The following CR1 variants were observed in gnomAD, a reference collection of about 807,000 sequenced individuals.
The protein encoded by CR1 is complement receptor type 1.
Under a neutral mutation model 187.3 loss-of-function variants are expected in CR1, and 116 were observed. That is an observed-to-expected ratio of 0.62 (90% CI 0.53 to 0.72). CR1 has a LOEUF of 0.72. CR1 is among the 30% of genes least tolerant of loss of function. The probability of loss-of-function intolerance (pLI) is 0.00; values close to 1 mark genes in which losing one functional copy is unlikely to be tolerated. For missense variants in CR1, 1,731 were observed against 2,110.7 expected (o/e 0.82, Z 3.52); for synonymous variants, 576 against 747.1 (o/e 0.77, Z 3.73).
intron 27 of CR1, among the ~76,000 whole-genome samples, chr1:207,574,421 A>G (rs1660671885): frequency 6.6e-6 from 1 of 152,236 alleles, no homozygotes; most frequent in African/African-American, 2.4e-5. Context: ...GGCTCCAGAT[A>G]CACATTAAAG....
intron 46 of CR1, 72 bp downstream of exon 46, chr1:207,630,693 T>C (rs1397692206): frequency 1.9e-6 from 2 of 1,072,570 alleles, no homozygotes; most frequent in African/African-American, 1.6e-5. Flanking sequence ...AGGACTTGAA[T>C]ATGATATTGC....
chr1:207,602,389 G>A (rs1348742603), intron 35 of CR1, among the ~76,000 whole-genome samples: 1 of 151,904 alleles, frequency 6.6e-6, no homozygotes, highest in Admixed American at 6.6e-5. Context: ...ATCTTAAATT[G>A]ACTATTAAAT....
At chr1:207,520,651 C>A (rs1659948067) in intron 4 of CR1, among the ~76,000 whole-genome samples, 1 of 152,188 alleles carries the variant, frequency 6.6e-6, no homozygotes, top group African/African-American at 2.4e-5. Flanking sequence ...TCATAAAGAT[C>A]CTAAATGAAA....
At chr1:207,605,391 C>T (rs988525706) in intron 35 of CR1, among the ~76,000 whole-genome samples, 18 of 150,380 alleles carry the variant, frequency 1.2e-4, no homozygotes, top group Admixed American at 2.0e-4. Context: ...TGAGAGGTGA[C>T]GGACATGTTA....
chr1:207,605,251 C>A, intron 35 of CR1, among the ~76,000 whole-genome samples: 1 of 136,434 alleles, frequency 7.3e-6, no homozygotes, highest in South Asian at 2.5e-4. Context: ...TAGATCCAGA[C>A]CCTGTCAAAA....
chr1:207,585,391 T>C (rs1289283272), intron 33 of CR1, among the ~76,000 whole-genome samples: 1 of 152,238 alleles, frequency 6.6e-6, no homozygotes, highest in Non-Finnish European at 1.5e-5. Flanking sequence ...TGTCCACTTG[T>C]CATCTTGCCT....
chr1:207,576,287 G>A (rs1319539503), intron 28 of CR1, among the ~76,000 whole-genome samples: 2 of 152,186 alleles, frequency 1.3e-5, no homozygotes, highest in African/African-American at 4.8e-5. Context: ...AACAAACTTT[G>A]TAGAAGGCCA....
intron 33 of CR1, among the ~76,000 whole-genome samples, chr1:207,585,476 A>C (rs933115826): frequency 6.6e-6 from 1 of 152,166 alleles, no homozygotes; most frequent in Non-Finnish European, 1.5e-5. Flanking sequence ...AGCCCAAAGA[A>C]AAGAGTAGGA....
intron 46 of CR1, among the ~76,000 whole-genome samples, chr1:207,633,829 C>G (rs965188021): frequency 6.6e-6 from 1 of 152,116 alleles, no homozygotes; most frequent in African/African-American, 2.4e-5. Flanking sequence ...TGGGTGCAGG[C>G]GGGCTGAGTC....
At chr1:207,619,000 T>C (rs1207536849) in intron 42 of CR1, among the ~76,000 whole-genome samples, 1 of 133,370 alleles carries the variant, frequency 7.5e-6, no homozygotes, top group East Asian at 2.1e-4. Flanking sequence ...ATCACGCCAC[T>C]GCACTCCAGC....
chr1:207,499,986 CAA>C (rs1659216638), intron 1 of CR1, among the ~76,000 whole-genome samples: 1 of 152,134 alleles, frequency 6.6e-6, no homozygotes, highest in Non-Finnish European at 1.5e-5. Flanking sequence ...ACCCTCTCCG[CAA>C]AGACACATGT....
In CR1 at chr1:207,639,420, T is replaced by C. The variant is rs1219178725; in HGVS notation, c.*11T>C. The C allele has an allele frequency of 3.1e-6, 5 of 1,597,340 alleles. No individual in the cohort carries two copies. The highest frequency in any genetic ancestry group is 1.7e-5 in the Admixed American group (1 of 57,948). On this transcript the variant is annotated 3_prime_UTR_variant, in exon 47 of 47. Transcript: ENST00000367049. Reference sequence around the variant, plus strand: ...AGGGTCCTTCCTTGACAAAGTACTATACAGCTGAAGAACATCTCGAATACA... The same window carrying C: ...AGGGTCCTTCCTTGACAAAGTACTACACAGCTGAAGAACATCTCGAATACA...
chr1:207,582,893 G>A lies in CR1; in HGVS notation c.5302+890G>A, dbSNP rs556005826. On this transcript the variant is annotated intron_variant, in intron 32 of 46. Transcript: ENST00000367049. The stretch of plus-strand genomic sequence containing the variant: ...AAATGCAGGGGACTGCATGAAGTTT[G>A]GGAATGGGGGAAATCAAAAGTTAAG... Among the ~76,000 whole-genome samples, 243 of 152,330 alleles carry A rather than the reference G, an allele frequency of 1.6e-3. 1 individual carries two copies. The highest frequency in any genetic ancestry group is 4.6e-3 in the African/African-American group (192 of 41,576).
chr1:207,587,558 C>T lies in CR1; in HGVS notation c.5703C>T (p.Asn1901=), dbSNP rs1366713348. 8.1e-6 allele frequency: 13 copies of T among 1,613,124 alleles called. No homozygotes were observed. The highest frequency in any genetic ancestry group is 1.6e-4 in the Middle Eastern group (1 of 6,074). The part of the protein sequence containing the change: ...ENLVWSSVED[N]CRRKSCGPPP... ...TGGTCTGGTCAAGTGTTGAAGACAA[C>T]TGTAGACGTGAGTAACCCCTCCCTG... Residue 1901 remains asparagine (N), a synonymous_variant, in exon 34 of 47, where the codon AAC becomes AAT. Transcript: ENST00000367049.
intron 35 of CR1, among the ~76,000 whole-genome samples, chr1:207,591,822 C>A (rs1056672989): frequency 2.0e-5 from 3 of 152,102 alleles, no homozygotes; most frequent in Admixed American, 1.3e-4. Flanking sequence ...AACACCTCTA[C>A]GCAAATAAAC....
intron 35 of CR1, among the ~76,000 whole-genome samples, chr1:207,590,122 C>T (rs1661228403): frequency 6.6e-6 from 1 of 152,142 alleles, no homozygotes; most frequent in Non-Finnish European, 1.5e-5. Context: ...CACAAAGATA[C>T]TCCTTGAGAA....
At chr1:207,619,036 C>CA (rs71727231) in intron 42 of CR1, among the ~76,000 whole-genome samples, 8,736 of 38,272 alleles carry the variant, frequency 0.23, 1,741 homozygotes, top group African/African-American at 0.47. Flanking sequence ...GACTCCGTCT[C>CA]AAAAAAAAAA....
intron 4 of CR1, among the ~76,000 whole-genome samples, chr1:207,522,428 AC>A (rs1660026922): frequency 1.3e-5 from 2 of 152,182 alleles, no homozygotes; most frequent in African/African-American, 4.8e-5. Context: ...CAGGCCCTGG[AC>A]TTCCATTGTT....
intron 5 of CR1, among the ~76,000 whole-genome samples, chr1:207,526,346 A>G (rs1448652787): frequency 6.6e-6 from 1 of 151,564 alleles, no homozygotes; most frequent in Admixed American, 6.6e-5. Flanking sequence ...GGGCAGGGGC[A>G]CTCCTTTATT....
Sources: allele counts gnomAD v4.1 joint callset (sites outside exome capture counted in the v4.1 genomes callset), GRCh38; gene constraint gnomAD v4.1.1; transcripts MANE v1.5; gene names NCBI Gene and HGNC (gene_info 2026-07-23, HGNC 2026-07-21).